The following FRYL variants were observed in gnomAD, a reference collection of about 807,000 sequenced individuals.
FRYL encodes protein furry homolog-like.
Under a neutral mutation model 351.2 loss-of-function variants are expected in FRYL, and 150 were observed. That is an observed-to-expected ratio of 0.43 (90% CI 0.37 to 0.49). The LOEUF (loss-of-function observed/expected upper bound fraction) is 0.49. Ranked by LOEUF, FRYL falls within the 20% of genes least tolerant of loss-of-function variation. FRYL has a pLI of 0.00. For missense variants in FRYL, 3,036 were observed against 3,619.3 expected, an observed-to-expected ratio of 0.84 and a Z score of 4.13; for synonymous variants, 1,153 against 1,257.1, an observed-to-expected ratio of 0.92 and a Z score of 1.75.
At chr4:48,729,098 C>T (rs1770427302) in intron 1 of FRYL, among the ~76,000 whole-genome samples, 1 of 152,256 alleles carries the variant, frequency 6.6e-6, no homozygotes, top group South Asian at 2.1e-4. Context: ...AGGTCCCATG[C>T]CCACGGAGCC....
At chr4:48,581,821 T>C (rs542815427) in intron 20 of FRYL, among the ~76,000 whole-genome samples, 1 of 152,342 alleles carries the variant, frequency 6.6e-6, no homozygotes, top group African/African-American at 2.4e-5. Context: ...ACCTAACTTC[T>C]ACCATTCTCT....
chr4:48,551,687 A>AATTAT, intron 36 of FRYL, 109 bp from the exon 37 acceptor site: 2 of 676,902 alleles, frequency 3.0e-6, no homozygotes, highest in Non-Finnish European at 5.0e-6. Flanking sequence ...AATGAGAGCA[A>AATTAT]AGTCATTTAA....
chr4:48,607,963 CA>C (rs1747218158), intron 9 of FRYL, among the ~76,000 whole-genome samples: 1 of 152,024 alleles, frequency 6.6e-6, no homozygotes, highest in Non-Finnish European at 1.5e-5. Context: ...ATAACATAAA[CA>C]AACTGTCATA....
At chr4:48,679,489 C>G (rs1190263932) in intron 3 of FRYL, among the ~76,000 whole-genome samples, 2 of 151,290 alleles carry the variant, frequency 1.3e-5, no homozygotes, top group Non-Finnish European at 2.9e-5. Context: ...CATTGTCTAT[C>G]AAAACTTAAA....
At chr4:48,705,014 G>A (rs1578774926) in intron 2 of FRYL, among the ~76,000 whole-genome samples, 1 of 150,174 alleles carries the variant, frequency 6.7e-6, no homozygotes, top group South Asian at 2.1e-4. Context: ...CCAGCTACTC[G>A]GGTGGCTGAG....
At chr4:48,721,807 AT>A (rs1442360192) in intron 1 of FRYL, among the ~76,000 whole-genome samples, 36 of 152,050 alleles carry the variant, frequency 2.4e-4, no homozygotes, top group Admixed American at 2.4e-3. Context: ...CACCCGGCTA[AT>A]TTATGTGTTT....
intron 59 of FRYL, among the ~76,000 whole-genome samples, chr4:48,507,223 A>AAAAG (rs1314706416): frequency 6.6e-6 from 1 of 152,142 alleles, no homozygotes. Flanking sequence ...TTATTCTGTT[A>AAAAG]AAAGACAAAC....
chr4:48,678,504 T>C (rs1764107191), intron 3 of FRYL, among the ~76,000 whole-genome samples: 1 of 30,556 alleles, frequency 3.3e-5, no homozygotes, highest in Non-Finnish European at 5.3e-5. Context: ...CAAAACTCCA[T>C]CTCAAAAAAA....
At chr4:48,750,322 G>A (rs543567293) in intron 1 of FRYL, among the ~76,000 whole-genome samples, 4 of 151,146 alleles carry the variant, frequency 2.6e-5, no homozygotes, top group African/African-American at 7.3e-5. Context: ...TCTGCCAGGC[G>A]TGGTGGCATG....
chr4:48,555,648 C>A (rs1733915331), intron 35 of FRYL, among the ~76,000 whole-genome samples: 1 of 152,148 alleles, frequency 6.6e-6, no homozygotes, highest in Admixed American at 6.5e-5. Context: ...CAAAGGGGGC[C>A]AGCGCAGCTG....
chr4:48,578,206 A>G (rs1407962758), intron 23 of FRYL, among the ~76,000 whole-genome samples: 2 of 152,126 alleles, frequency 1.3e-5, no homozygotes, highest in Non-Finnish European at 2.9e-5. Context: ...CTTTGAAAGT[A>G]TTGATAGAAA....
intron 47 of FRYL, among the ~76,000 whole-genome samples, chr4:48,538,093 C>T (rs1729287522): frequency 1.3e-5 from 2 of 152,180 alleles, no homozygotes; most frequent in South Asian, 4.1e-4. Flanking sequence ...AATGCAAATA[C>T]AGGCAGTTGG....
chr4:48,639,282 C>T (rs765820223), intron 3 of FRYL, among the ~76,000 whole-genome samples: 2 of 151,992 alleles, frequency 1.3e-5, no homozygotes, highest in Admixed American at 1.3e-4. Flanking sequence ...AGAGGACTGA[C>T]AGGACGTGAC....
In FRYL at chr4:48,694,204, G is replaced by C. The variant is rs577548334; in HGVS notation, c.-203-9409C>G. 1.8e-4 allele frequency among the ~76,000 whole-genome samples: 28 copies of C among 152,200 alleles called. No individual in the cohort carries two copies. The South Asian group carries it at 5.8e-3, about 32-fold the overall frequency. The stretch of plus-strand genomic sequence containing the variant: ...CTGCTCTCCAGGTTTCAAGTGGGGG[G>C]TGGGAGGTGGAGGAGAAGACACATT... On this transcript the variant is annotated intron_variant, in intron 2 of 63. Coordinates refer to ENST00000358350, the MANE Select transcript of FRYL (RefSeq NM_015030.2).
Position 48,690,246 on chromosome 4 carries a change from G to T in FRYL, c.-203-5451C>A, listed in dbSNP as rs1193802275. ...ATTTTACTATTCGTAGTAAAAAGTA[G>T]TACTTCTTTTTTTTCCATTAAACCA... On this transcript the variant is annotated intron_variant, in intron 2 of 63. Coordinates refer to ENST00000358350, the MANE Select transcript of FRYL (RefSeq NM_015030.2). Among the ~76,000 whole-genome samples, 28 of 151,996 alleles carry T rather than the reference G, an allele frequency of 1.8e-4. 2 individuals are homozygous for T. The highest frequency in any genetic ancestry group is 2.9e-5 in the Non-Finnish European group (2 of 67,986).
intron 3 of FRYL, among the ~76,000 whole-genome samples, chr4:48,681,355 T>C (rs1764584368): frequency 6.6e-6 from 1 of 152,150 alleles, no homozygotes; most frequent in Non-Finnish European, 1.5e-5. Context: ...ACCATGAAAC[T>C]GCCCTTCATG....
chr4:48,595,722 T>C (rs1744449852), intron 14 of FRYL, 24 bp from the exon 15 acceptor site: 2 of 1,488,376 alleles, frequency 1.3e-6, no homozygotes, highest in Non-Finnish European at 1.9e-6. Context: ...GATCTAGTCA[T>C]AGTGAGATCA....
rs1719093078 is a variant in FRYL at position 48,499,614 on chromosome 4, T to C, written c.8850A>G (p.Ile2950Met). Residue 2950 changes from isoleucine to methionine, a missense_variant, in exon 64 of 64, where the codon ATA becomes ATG. This residue lies in a region of FRYL where 1,987 missense variants were observed against 2,311.7 expected (regional missense o/e 0.86). Transcript: ENST00000358350. ...GGCCCAGCGTCTGATGATGGAAATA[T>C]ATATGTAACAGTGTCTGTACAGGGT... ...EDDPVQTLLHIYFHHQTLGQT... is the reference protein window; with the variant it reads ...EDDPVQTLLHMYFHHQTLGQT... 6.2e-7 allele frequency: 1 copy of C among 1,614,044 alleles called. No homozygotes were observed. The highest frequency in any genetic ancestry group is 8.5e-7 in the Non-Finnish European group (1 of 1,179,896).
At chr4:48,613,849 G>A (rs919238408) in intron 7 of FRYL, among the ~76,000 whole-genome samples, 17 of 151,868 alleles carry the variant, frequency 1.1e-4, no homozygotes, top group African/African-American at 3.9e-4. Context: ...CCAGCTACTC[G>A]GGAGGCTGAG....
Sources: allele counts gnomAD v4.1 joint callset (sites outside exome capture counted in the v4.1 genomes callset), GRCh38; gene constraint gnomAD v4.1.1; regional missense constraint gnomAD v4.1.1; transcripts MANE v1.5; gene names NCBI Gene and HGNC (gene_info 2026-07-23, HGNC 2026-07-21).